Variants in PPP2R2D observed in about 807,000 individuals in gnomAD.
The protein encoded by PPP2R2D is serine/threonine-protein phosphatase 2A 55 kDa regulatory subunit B delta isoform.
A neutral mutation model predicts 31.1 loss-of-function variants in PPP2R2D; 9 were observed. That is an observed-to-expected ratio of 0.29 (90% confidence interval 0.17 to 0.51). The LOEUF (loss-of-function observed/expected upper bound fraction) is 0.51, where lower values mean the gene tolerates loss of function less well. PPP2R2D is among the 20% of genes least tolerant of loss of function. The pLI is 0.98. For missense variants in PPP2R2D, 391 were observed against 465.6 expected (o/e 0.84, Z 1.48); for synonymous variants, 179 against 172.6 (o/e 1.04, Z -0.29).
chr10:131,933,293 C>T (rs1294340670), intron 2 of PPP2R2D, among the ~76,000 whole-genome samples: 5 of 152,304 alleles, frequency 3.3e-5, no homozygotes, highest in Non-Finnish European at 7.4e-5. Flanking sequence ...TGCATTCTAG[C>T]CACTTTTGGA....
chr10:131,934,208 C>G (rs2036296601), intron 2 of PPP2R2D, among the ~76,000 whole-genome samples: 1 of 152,080 alleles, frequency 6.6e-6, no homozygotes, highest in South Asian at 2.1e-4. Context: ...CTAGATAAAT[C>G]CTGGTGCTCC....
In PPP2R2D at chr10:131,947,772, T is replaced by C; in HGVS notation, c.1063T>C (p.Cys355Arg). ...NDCIFDKFEC[C>R]WNGSDSAIMT... ...CTGCATCTTTGACAAGTTTGAGTGTTGCTGGAACGGTTCGGATAGGTAAGG... is the reference window on the plus strand; with the variant it reads ...CTGCATCTTTGACAAGTTTGAGTGTCGCTGGAACGGTTCGGATAGGTAAGG... The change falls in exon 8 of 9, where the codon TGC (cysteine) becomes CGC (arginine). Residue 355 changes from cysteine to arginine, a missense_variant. Around this residue, in one of 3 missense-constraint regions of PPP2R2D, gnomAD observed 163 missense variants for 179.5 expected, o/e 0.91. Transcript: ENST00000455566. This position sits in a 1 kb window ranked among gnomAD's most constrained non-coding sequence, Gnocchi z 4.3. The C allele has an allele frequency of 2.5e-6, 4 of 1,614,048 alleles. No individual in the cohort carries two copies. The highest frequency in any genetic ancestry group is 3.4e-6 in the Non-Finnish European group (4 of 1,179,934).
chr10:131,939,158 A>G (rs2036397128), intron 3 of PPP2R2D, among the ~76,000 whole-genome samples: 3 of 102,136 alleles, frequency 2.9e-5, no homozygotes, highest in African/African-American at 3.8e-5. Context: ...GGCAGGCTGC[A>G]TTCGGCAGAC....
the PPP2R2D span, among the ~76,000 whole-genome samples, chr10:131,964,944 C>A: frequency 6.6e-6 from 1 of 152,164 alleles, no homozygotes; most frequent in African/African-American, 2.4e-5. Context: ...TCTTTCCACC[C>A]CGGGGTAACC....
intron 2 of PPP2R2D, among the ~76,000 whole-genome samples, chr10:131,922,607 CACACT>C (rs1554894395): frequency 6.6e-6 from 1 of 151,996 alleles, no homozygotes; most frequent in East Asian, 1.9e-4. Context: ...TGCACACCAC[CACACT>C]TGGATAATTT....
intron 5 of PPP2R2D, among the ~76,000 whole-genome samples, chr10:131,942,190 C>G (rs557739926): frequency 6.6e-6 from 1 of 152,298 alleles, no homozygotes; most frequent in Admixed American, 6.5e-5. Flanking sequence ...CTCAGAAACC[C>G]CTGTTCCTCC....
chr10:131,940,960 T>C (rs994327177), intron 5 of PPP2R2D: 1 of 329,976 alleles, frequency 3.0e-6, no homozygotes, highest in Non-Finnish European at 5.5e-6. Flanking sequence ...ACAGCAGAAA[T>C]CTTTGTGGAC....
At chr10:131,927,326 AG>A (rs1554895069) in intron 2 of PPP2R2D, among the ~76,000 whole-genome samples, 1 of 152,028 alleles carries the variant, frequency 6.6e-6, no homozygotes, top group African/African-American at 2.4e-5. Flanking sequence ...CCCCATGGAG[AG>A]GGCCTGGGAG....
chr10:131,923,630 A>G (rs1390345983), intron 2 of PPP2R2D, among the ~76,000 whole-genome samples: 4 of 152,192 alleles, frequency 2.6e-5, no homozygotes, highest in African/African-American at 9.7e-5. Flanking sequence ...CCATCCTAAT[A>G]GTTGTGAACT....
chr10:131,910,611 A>T (rs1589922516), intron 2 of PPP2R2D, among the ~76,000 whole-genome samples: 2 of 152,234 alleles, frequency 1.3e-5, no homozygotes, highest in African/African-American at 2.4e-5. Flanking sequence ...CATGAAAAAA[A>T]GGGCTAGTTC....
chr10:131,923,672 A>G (rs2036038935), intron 2 of PPP2R2D, among the ~76,000 whole-genome samples: 1 of 152,136 alleles, frequency 6.6e-6, no homozygotes, highest in African/African-American at 2.4e-5. Flanking sequence ...GTATTTCCCT[A>G]GTGATTAATG....
chr10:131,934,312 T>TA, intron 2 of PPP2R2D, 146 bp from the exon 3 acceptor site: 1 of 589,436 alleles, frequency 1.7e-6, no homozygotes, highest in Admixed American at 3.1e-5. Flanking sequence ...ACTTGGTAAT[T>TA]ACAAGTTTGC....
rs536295833 is a variant in PPP2R2D at position 131,927,294 on chromosome 10, G to C, written c.101-7164G>C. ...AGGAGAAACTCTCCCCCCGGGGAGT[G>C]GGGTGTGAGACAACAGAGAGCCCCC... On this transcript the variant is annotated intron_variant, in intron 2 of 8. Transcript: ENST00000455566. Among the ~76,000 whole-genome samples, 5 of 152,242 alleles carry C rather than the reference G, an allele frequency of 3.3e-5. No individual in the cohort carries two copies. In the East Asian group the frequency reaches 5.8e-4, roughly 18 times the overall value.
intron 2 of PPP2R2D, among the ~76,000 whole-genome samples, chr10:131,916,465 A>G (rs1453177650): frequency 3.9e-5 from 6 of 152,020 alleles, no homozygotes; most frequent in African/African-American, 1.2e-4. Context: ...TTGTGTAGCT[A>G]TCACCACTAC....
At position 131,940,540 on chromosome 10, in the gene PPP2R2D, T is replaced by C. The variant is rs1185785160; in HGVS notation, c.365-42T>C. On this transcript the variant is annotated intron_variant, in intron 4 of 8. Transcript: ENST00000455566. Reference sequence around the variant, plus strand: ...ACTCAAACAGTAGTGATGCATGTTATAGTTTTTCTTTTCATATGGAGAATG... The same window carrying C: ...ACTCAAACAGTAGTGATGCATGTTACAGTTTTTCTTTTCATATGGAGAATG... The C allele has an allele frequency of 1.8e-5, 13 of 715,416 alleles. No homozygotes were observed. The Admixed American group carries it at 2.5e-4, about 14-fold the overall frequency. 44.3% of individuals were successfully genotyped at this position (715,416 alleles called of 1,614,324 possible).
At chr10:131,918,379 C>A (rs7099791) in intron 2 of PPP2R2D, among the ~76,000 whole-genome samples, 36,912 of 137,708 alleles carry the variant, frequency 0.27, 4,253 homozygotes, top group East Asian at 0.37. Flanking sequence ...TTTGTAGGGA[C>A]CTCAGGCGGG....
At chr10:131,965,358 C>T in the PPP2R2D span, among the ~76,000 whole-genome samples, 3 of 152,212 alleles carry the variant, frequency 2.0e-5, no homozygotes, top group African/African-American at 7.2e-5. Flanking sequence ...GGTGCTGCAC[C>T]ACTGGCATCA....
chr10:131,918,127 T>G (rs2035858532), intron 2 of PPP2R2D, among the ~76,000 whole-genome samples: 1 of 146,516 alleles, frequency 6.8e-6, no homozygotes, highest in Non-Finnish European at 1.5e-5. Context: ...TGTCAGTGTT[T>G]GTAGGGACCT....
chr10:131,928,198 C>T (rs1357874467), intron 2 of PPP2R2D, among the ~76,000 whole-genome samples: 1 of 152,148 alleles, frequency 6.6e-6, no homozygotes, highest in African/African-American at 2.4e-5. Context: ...GCCTAGGGTC[C>T]GATTTGCTAG....
Sources: gnomAD v4.1 joint callset for allele counts (sites outside exome capture counted in the v4.1 genomes callset) on GRCh38, gnomAD v4.1.1 for gene constraint, gnomAD v4.1.1 regional missense constraint, Gnocchi (gnomAD v3.1) non-coding constraint, MANE v1.5 for transcripts, NCBI Gene and HGNC (gene_info 2026-07-23, HGNC 2026-07-21) for gene names.